Variants in FZD5 observed in about 807,000 individuals in gnomAD.
FZD5 encodes the protein frizzled class receptor 5.
A neutral mutation model predicts 40.8 loss-of-function variants in FZD5; 12 were observed. The ratio of observed to expected loss-of-function variants is 0.29; its 90% CI spans 0.19 to 0.48. FZD5 has a LOEUF of 0.48. Ranked by LOEUF, FZD5 falls within the 20% of genes least tolerant of loss-of-function variation. The pLI is 0.99. For synonymous variants in FZD5, 380 were observed against 383.7 expected (o/e 0.99, Z 0.11); for missense variants, 622 against 832.8 (o/e 0.75, Z 3.12).
At position 207,767,685 on chromosome 2, in the gene FZD5, G is replaced by A; in HGVS notation, c.1055C>T (p.Ala352Val). 1 of 1,613,838 alleles carries A rather than the reference G, an allele frequency of 6.2e-7. No homozygotes were observed. The highest frequency in any genetic ancestry group is 8.5e-7 in the Non-Finnish European group (1 of 1,179,868). The change falls in exon 2 of 2, where the codon GCC becomes GTC. Residue 352 changes from alanine (A) to valine (V), a missense_variant. Ala to Val is a moderately conservative substitution (Grantham distance 64, BLOSUM62 0). Transcript: ENST00000295417. ...LAAGMKWGNE[A>V]IAGYAQYFHL... The stretch of plus-strand genomic sequence containing the variant: ...GAAGTACTGCGCGTAGCCCGCGATG[G>A]CCTCGTTGCCCCACTTCATGCCGGC...
chr2:207,765,651 T>C lies in FZD5; in HGVS notation c.*1331A>G, dbSNP rs936893370. ...TTTAAAAGGTTGTGCAAGCATGTTA[T>C]GCATCTCTTTTGTTTTCAGAGACGG... is the stretch of plus-strand genomic sequence containing the variant. On this transcript the variant is annotated 3_prime_UTR_variant, in exon 2 of 2. Transcript: ENST00000295417. 1 of 152,662 alleles carries C rather than the reference T, an allele frequency of 6.6e-6. No homozygotes were observed. The highest frequency in any genetic ancestry group is 1.5e-5 in the Non-Finnish European group (1 of 68,046). 9.5% of individuals were successfully genotyped at this position (152,662 alleles called of 1,614,324 possible).
rs1037688790 is a variant in FZD5 at position 207,768,801 on chromosome 2, G to C, written c.-62C>G. 1.9e-5 allele frequency: 25 copies of C among 1,321,354 alleles called. No homozygotes were observed. In the East Asian group the frequency reaches 2.1e-4, roughly 11 times the overall value. 81.9% of individuals were successfully genotyped at this position (1,321,354 alleles called of 1,614,324 possible). On this transcript the variant is annotated 5_prime_UTR_variant, in exon 2 of 2. Coordinates refer to ENST00000295417, the MANE Select transcript of FZD5 (RefSeq NM_003468.4). The stretch of plus-strand genomic sequence containing the variant: ...GGGACGCACACAGGCAGAGGAATCC[G>C]GGCCGGGGCTTCTCCCTCCGGCGTC...
In FZD5 at chr2:207,767,624, G is replaced by C; in HGVS notation, c.1116C>G (p.Ser372=). 1 of 1,613,084 alleles carries C rather than the reference G, an allele frequency of 6.2e-7. No homozygotes were observed. Among genetic ancestry groups the C allele is most frequent in the Non-Finnish European group, 8.5e-7 (1 of 1,179,752 alleles). ...LAAWLIPSVK[S]ITALALSSVD... ...CGGAGCTCAGCGCCAGTGCCGTGATGGACTTGACGCTGGGGATGAGCCACG... is the reference window on the plus strand; with the variant it reads ...CGGAGCTCAGCGCCAGTGCCGTGATCGACTTGACGCTGGGGATGAGCCACG... The change falls in exon 2 of 2, where the codon TCC becomes TCG. Residue 372 remains serine (S), a synonymous_variant. Transcript: ENST00000295417.
In FZD5 at chr2:207,768,665, G is replaced by A. The variant is rs1482916568; in HGVS notation, c.75C>T (p.Ala25=). The change falls in exon 2 of 2, where the codon GCC becomes GCT. Residue 25 remains alanine, a synonymous_variant. Coordinates refer to ENST00000295417, the MANE Select transcript of FZD5 (RefSeq NM_003468.4). ...GGCACACCGGGGCCTTGGACGCGGC[G>A]GCCGCCCGGCCCACCAGCTGCGCTA... is the stretch of plus-strand genomic sequence containing the variant. The part of the protein sequence containing the change: ...LLLAQLVGRA[A]AASKAPVCQE... 1 of 1,609,878 alleles carries A rather than the reference G, an allele frequency of 6.2e-7. No homozygotes were observed. Among genetic ancestry groups the A allele is most frequent in the Non-Finnish European group, 8.5e-7 (1 of 1,178,366 alleles).
rs1559180272 is a variant in FZD5 at position 207,768,180 on chromosome 2, G to C, written c.560C>G (p.Pro187Arg). 1.2e-6 allele frequency: 2 copies of C among 1,602,806 alleles called. No homozygotes were observed. The highest frequency in any genetic ancestry group is 1.7e-6 in the Non-Finnish European group (2 of 1,178,458). Residue 187 changes from proline (P) to arginine (R), a missense_variant, in exon 2 of 2, where the codon CCG becomes CGG. Coordinates refer to ENST00000295417, the MANE Select transcript of FZD5 (RefSeq NM_003468.4). ...ASGGECPAGG[P>R]FVCKCREPFV... ...GGGCTCGCGACACTTGCACACGAACGGGCCCCCAGCGGGGCATTCGCCCCC... is the reference window on the plus strand; with the variant it reads ...GGGCTCGCGACACTTGCACACGAACCGGCCCCCAGCGGGGCATTCGCCCCC...
rs901493179 is a variant in FZD5 at position 207,767,103 on chromosome 2, T to G, written c.1637A>C (p.Lys546Thr). Reference sequence around the variant, plus strand: ...CCCTGCGGCCATGGCGCCCCCGCTCTTGTGGCCGCGCCGCGGGCGGCAGCA... The same window carrying G: ...CCCTGCGGCCATGGCGCCCCCGCTCGTGTGGCCGCGCCGCGGGCGGCAGCA... ...RCCCRPRRGH[K>T]SGGAMAAGDY... Residue 546 changes from lysine to threonine, a missense_variant, in exon 2 of 2, where the codon AAG (lysine) becomes ACG (threonine). Coordinates refer to ENST00000295417, the MANE Select transcript of FZD5 (RefSeq NM_003468.4). 2 of 1,578,012 alleles carry G rather than the reference T, an allele frequency of 1.3e-6. No individual in the cohort carries two copies. The highest frequency in any genetic ancestry group is 4.6e-5 in the East Asian group (2 of 43,104).
rs2091981117 is a variant in FZD5, at chr2:207,766,774, A to T, written c.*208T>A. On this transcript the variant is annotated 3_prime_UTR_variant, in exon 2 of 2. Transcript: ENST00000295417. ...GTTCCCATAAAGAAGGCAGTAAGAA[A>T]CGCAAAATAGAATACACGTGAGCTG... 1 of 416,568 alleles carries T rather than the reference A, an allele frequency of 2.4e-6. No homozygotes were observed. The highest frequency in any genetic ancestry group is 4.2e-6 in the Non-Finnish European group (1 of 237,528). 25.8% of individuals were successfully genotyped at this position (416,568 alleles called of 1,614,324 possible). A position where few individuals can be genotyped will look rare whatever the true frequency, so the allele number is the denominator to read the frequency against.
In FZD5 at chr2:207,768,790, C is replaced by T; in HGVS notation, c.-51G>A. ...GCAGCCCGCGAGGGACGCACACAGG[C>T]AGAGGAATCCGGGCCGGGGCTTCTC... On this transcript the variant is annotated 5_prime_UTR_variant, in exon 2 of 2. Transcript: ENST00000295417. 1 of 1,386,038 alleles carries T rather than the reference C, an allele frequency of 7.2e-7. No homozygotes were observed. Among genetic ancestry groups the T allele is most frequent in the Non-Finnish European group, 9.7e-7 (1 of 1,034,774 alleles). The allele number at this position is 1,386,038 out of a possible 1,614,324, so 85.9% of individuals were successfully genotyped here.
rs552434641 is a variant in FZD5, at chr2:207,765,916, G to A, written c.*1066C>T. 7.9e-5 allele frequency: 12 copies of A among 151,718 alleles called. No individual in the cohort carries two copies. In the South Asian group the frequency reaches 2.5e-3, roughly 32 times the overall value. 9.4% of individuals were successfully genotyped at this position (151,718 alleles called of 1,614,324 possible). On this transcript the variant is annotated 3_prime_UTR_variant, in exon 2 of 2. Coordinates refer to ENST00000295417, the MANE Select transcript of FZD5 (RefSeq NM_003468.4). ...ATAAAGGGGGAGGGGGGAGGGGGGAGGGGGTGGAGCAAATAAGTGTTGGAA... is the reference window on the plus strand; with the variant it reads ...ATAAAGGGGGAGGGGGGAGGGGGGAAGGGGTGGAGCAAATAAGTGTTGGAA...
In FZD5 at chr2:207,767,069, G is replaced by C. The variant is rs759092359; in HGVS notation, c.1671C>G (p.Pro557=). The change falls in exon 2 of 2, where the codon CCC becomes CCG. Residue 557 remains proline (P), a synonymous_variant. Transcript: ENST00000295417. ...SGGAMAAGDY[P]EASAALTGRT... The stretch of plus-strand genomic sequence containing the variant: ...TGCCTGTGAGCGCGGCGCTCGCCTC[G>C]GGGTAGTCCCCTGCGGCCATGGCGC... 2 of 1,583,032 alleles carry C rather than the reference G, an allele frequency of 1.3e-6. No individual in the cohort carries two copies. Among genetic ancestry groups the C allele is most frequent in the East Asian group, 2.2e-5 (1 of 44,502 alleles).
At position 207,767,272 on chromosome 2, in the gene FZD5, C is replaced by A. The variant is rs1159633910; in HGVS notation, c.1468G>T (p.Asp490Tyr). Residue 490 changes from aspartate (D) to tyrosine (Y), a missense_variant, in exon 2 of 2, where the codon GAC (aspartate) becomes TAC (tyrosine). By Grantham distance (160) the Asp-to-Tyr change is radical. This residue lies in a region of FZD5 where 154 missense variants were observed against 152.1 expected (regional missense o/e 1.01). Coordinates refer to ENST00000295417, the MANE Select transcript of FZD5 (RefSeq NM_003468.4). ...AALTCACPGH[D>Y]TGQPRAKPEY... ...GGCTTGGCGCGCGGCTGGCCGGTGT[C>A]GTGGCCCGGGCAGGCGCAGGTGAGC... 2 of 1,610,926 alleles carry A rather than the reference C, an allele frequency of 1.2e-6. No homozygotes were observed. Among genetic ancestry groups the A allele is most frequent in the African/African-American group, 1.3e-5 (1 of 74,884 alleles).
In FZD5 at chr2:207,768,647, C is replaced by G. The variant is rs757153875; in HGVS notation, c.93G>C (p.Pro31=). 1.2e-6 allele frequency: 2 copies of G among 1,612,992 alleles called. No homozygotes were observed. The highest frequency in any genetic ancestry group is 2.7e-5 in the African/African-American group (2 of 75,028). Residue 31 remains proline (P), a synonymous_variant, in exon 2 of 2, where the codon CCG becomes CCC. Coordinates refer to ENST00000295417, the MANE Select transcript of FZD5 (RefSeq NM_003468.4). ...TGGGCACCGTGATTTCCTGGCACAC[C>G]GGGGCCTTGGACGCGGCGGCCGCCC... ...VGRAAAASKA[P]VCQEITVPMC... is the part of the protein sequence containing the mutation.
chr2:207,768,008 C>A lies in FZD5; in HGVS notation c.732G>T (p.Val244=). Residue 244 remains valine, a synonymous_variant, in exon 2 of 2, where the codon GTG becomes GTT. Coordinates refer to ENST00000295417, the MANE Select transcript of FZD5 (RefSeq NM_003468.4). ...TGGTGGACGTGGAGATGAAGCACAG[C>A]ACCGACCACAGGCCTATCCAGAAGG... The part of the protein sequence containing the change: ...FATFWIGLWS[V]LCFISTSTTV... 6.2e-7 allele frequency: 1 copy of A among 1,610,732 alleles called. No homozygotes were observed. Among genetic ancestry groups the A allele is most frequent in the Non-Finnish European group, 8.5e-7 (1 of 1,178,538 alleles).
At position 207,767,764 on chromosome 2, in the gene FZD5, CGAA is replaced by C. The variant is rs1170621795; in HGVS notation, c.973_975del (p.Phe325del). 1 of 1,613,856 alleles carries C rather than the reference CGAA, an allele frequency of 6.2e-7. No homozygotes were observed. Among genetic ancestry groups the C allele is most frequent in the Non-Finnish European group, 8.5e-7 (1 of 1,179,964 alleles). On this transcript the variant is annotated inframe_deletion, in exon 2 of 2. Coordinates refer to ENST00000295417, the MANE Select transcript of FZD5 (RefSeq NM_003468.4). ...ACCCACCAGATGGAGCTGGCCATGC[CGAA>C]GAAGTAGACCAGGAGGAAGACGATG...
At position 207,763,935 on chromosome 2, in the gene FZD5, A is replaced by G. The variant is rs114366204; in HGVS notation, c.*3047T>C. On this transcript the variant is annotated 3_prime_UTR_variant, in exon 2 of 2. Coordinates refer to ENST00000295417, the MANE Select transcript of FZD5 (RefSeq NM_003468.4). ...CACACATGGGCCTTGGTCACTGGCA[A>G]TGGTCATGAGAAAATATGAGAAAGG... The G allele has an allele frequency of 4.8e-4, 73 of 152,804 alleles. 1 individual carries two copies. Among genetic ancestry groups the G allele is most frequent in the African/African-American group, 1.7e-3 (71 of 41,598 alleles). The allele number at this position is 152,804 out of a possible 1,614,324, so 9.5% of individuals were successfully genotyped here.
In FZD5 at chr2:207,768,281, G is replaced by A; in HGVS notation, c.459C>T (p.Ser153=). The change falls in exon 2 of 2, where the codon AGC becomes AGT. Residue 153 remains serine (S), a synonymous_variant. Coordinates refer to ENST00000295417, the MANE Select transcript of FZD5 (RefSeq NM_003468.4). ...AEVLCMDYNR[S]EATTAPPRPF... Reference sequence around the variant, plus strand: ...GCCTGGGGGGCGCCGTGGTGGCCTCGCTGCGGTTGTAATCCATGCAGAGGA... The same window carrying A: ...GCCTGGGGGGCGCCGTGGTGGCCTCACTGCGGTTGTAATCCATGCAGAGGA... 1 of 1,542,982 alleles carries A rather than the reference G, an allele frequency of 6.5e-7. No individual in the cohort carries two copies. The highest frequency in any genetic ancestry group is 1.2e-5 in the South Asian group (1 of 84,940).
At chr2:207,769,105 T>C (rs902384066) in intron 1 of FZD5, 111 bp from the exon 2 acceptor site, 5 of 236,756 alleles carry the variant, frequency 2.1e-5, no homozygotes, top group Non-Finnish European at 3.5e-5. Flanking sequence ...ACCCCTTTCC[T>C]TTCCTCCCCG....
rs993468752 is a variant in FZD5 at position 207,768,855 on chromosome 2, G to C, written c.-116C>G. Reference sequence around the variant, plus strand: ...TGTGTGGCGCCGGGGCTGGCAACCTGTTGGTTGCTTTTTCCTTTAAAGAAA... The same window carrying C: ...TGTGTGGCGCCGGGGCTGGCAACCTCTTGGTTGCTTTTTCCTTTAAAGAAA... On this transcript the variant is annotated 5_prime_UTR_variant, in exon 2 of 2. Transcript: ENST00000295417. The C allele has an allele frequency of 7.2e-6, 6 of 831,550 alleles. No individual in the cohort carries two copies. The highest frequency in any genetic ancestry group is 1.8e-5 in the African/African-American group (1 of 56,740). The allele number at this position is 831,550 out of a possible 1,614,324, so 51.5% of individuals were successfully genotyped here.
At position 207,768,263 on chromosome 2, in the gene FZD5, G is replaced by C. The variant is rs746133733; in HGVS notation, c.477C>G (p.Pro159=). ...DYNRSEATTA[P]PRPFPAKPTL... The stretch of plus-strand genomic sequence containing the variant: ...TGGGCTTGGCTGGGAAAGGCCTGGG[G>C]GGCGCCGTGGTGGCCTCGCTGCGGT... Residue 159 remains proline, a synonymous_variant, in exon 2 of 2, where the codon CCC becomes CCG. Coordinates refer to ENST00000295417, the MANE Select transcript of FZD5 (RefSeq NM_003468.4). The C allele has an allele frequency of 9.1e-6, 14 of 1,546,272 alleles. No individual in the cohort carries two copies. The highest frequency in any genetic ancestry group is 1.4e-5 in the African/African-American group (1 of 73,426).
Sources: gnomAD v4.1 joint callset for allele counts on GRCh38, gnomAD v4.1.1 for gene constraint, gnomAD v4.1.1 regional missense constraint, MANE v1.5 for transcripts, NCBI Gene and HGNC (gene_info 2026-07-23, HGNC 2026-07-21) for gene names.